Variants in RGS5 observed in about 807,000 individuals in gnomAD.
RGS5 encodes the protein regulator of G protein signaling 5.
A neutral mutation model predicts 18.9 loss-of-function variants in RGS5; 20 were observed. The ratio of observed to expected loss-of-function variants is 1.06; its 90% CI spans 0.74 to 1.54. RGS5 has a LOEUF of 1.54. Among genes scored for constraint, RGS5 ranks in the 40% most tolerant of loss-of-function variants. The pLI is 0.00. For synonymous variants in RGS5, 57 were observed against 76.2 expected (o/e 0.75, Z 1.31); for missense variants, 201 against 211.8 (o/e 0.95, Z 0.32).
chr1:163,316,513 G>A (rs551418091), intron 1 of RGS5, among the ~76,000 whole-genome samples: 48 of 151,936 alleles, frequency 3.2e-4, no homozygotes, highest in African/African-American at 1.2e-3. Flanking sequence ...TGTGGTGCTT[G>A]AGCACAGGAG....
At chr1:163,265,846 T>C (rs1384724654) in intron 2 of RGS5, among the ~76,000 whole-genome samples, 1 of 152,200 alleles carries the variant, frequency 6.6e-6, no homozygotes, top group African/African-American at 2.4e-5. Context: ...TGGCTTCTCA[T>C]CTTCTTGCCT....
At chr1:163,238,735 A>C (rs1163977568) in intron 2 of RGS5, 3 of 247,760 alleles carry the variant, frequency 1.2e-5, no homozygotes, top group Admixed American at 8.5e-5. Context: ...GGCTCCTTAC[A>C]TAGGTTTATC....
intron 1 of RGS5, among the ~76,000 whole-genome samples, chr1:163,184,894 G>A (rs1451687938): frequency 1.3e-5 from 2 of 152,182 alleles, no homozygotes; most frequent in Admixed American, 1.3e-4. Context: ...GTTGCTTTAA[G>A]TGACTAAGCT....
At chr1:163,318,429 T>C (rs1013023578) in intron 1 of RGS5, among the ~76,000 whole-genome samples, 47 of 152,014 alleles carry the variant, frequency 3.1e-4, no homozygotes, top group African/African-American at 1.1e-3. Flanking sequence ...GTAGTAGTTA[T>C]GGCTGAAAGC....
intron 4 of RGS5, 66 bp from the exon 5 acceptor site, chr1:163,147,569 G>A: frequency 7.4e-7 from 1 of 1,348,366 alleles, no homozygotes; most frequent in South Asian, 1.9e-5. Flanking sequence ...GGGTGAAGAG[G>A]GAGGTGGAAT....
chr1:163,233,401 A>G (rs966094874), intron 2 of RGS5, among the ~76,000 whole-genome samples: 1 of 152,218 alleles, frequency 6.6e-6, no homozygotes, highest in African/African-American at 2.4e-5. Context: ...ACTTTCCCCA[A>G]ATAGCTTTCC....
chr1:163,208,378 G>GA lies in RGS5; in HGVS notation c.69+9147dup, dbSNP rs1242823343. ...AAAAAAAAAAAAAAAAAAAGGAAAA[G>GA]AAAAAAAAGAAAAGAAAGTTAGCCA... On this transcript the variant is annotated intron_variant, in intron 1 of 5. Coordinates refer to the RGS5 transcript ENST00000367903. 1.5e-4 allele frequency among the ~76,000 whole-genome samples: 18 copies of GA among 119,278 alleles called. No individual in the cohort carries two copies. In the South Asian group the frequency reaches 4.8e-3, roughly 32 times the overall value. 78.3% of individuals were successfully genotyped at this position (119,278 alleles called of 152,430 possible).
At chr1:163,161,701 C>A (rs1657803608) in intron 3 of RGS5, 2 of 486,072 alleles carry the variant, frequency 4.1e-6, no homozygotes, top group Non-Finnish European at 3.8e-6. Context: ...CTTCAGAACA[C>A]CTTATGTTCA....
In RGS5 at chr1:163,202,916, T is replaced by C. The variant is rs1659836617; in HGVS notation, c.-81A>G. 1.5e-6 allele frequency: 2 copies of C among 1,350,922 alleles called. No homozygotes were observed. The highest frequency in any genetic ancestry group is 2.1e-6 in the Non-Finnish European group (2 of 948,994). 83.7% of individuals were successfully genotyped at this position (1,350,922 alleles called of 1,614,324 possible). A position where few individuals can be genotyped will look rare whatever the true frequency, so the allele number is the denominator to read the frequency against. ...AGTCTTTGAAAACTTCAAAACTGTCTGGGATGCCTTTCCTCCTGAGGTATA... is the reference window on the plus strand; with the variant it reads ...AGTCTTTGAAAACTTCAAAACTGTCCGGGATGCCTTTCCTCCTGAGGTATA... On this transcript the variant is annotated 5_prime_UTR_variant, in exon 1 of 5. Coordinates refer to ENST00000313961, the MANE Select transcript of RGS5 (RefSeq NM_003617.4).
intron 2 of RGS5, among the ~76,000 whole-genome samples, chr1:163,297,788 C>G (rs1029520933): frequency 6.6e-6 from 1 of 151,944 alleles, no homozygotes; most frequent in African/African-American, 2.4e-5. Flanking sequence ...TCTACAAGAA[C>G]AAGAAACAAA....
chr1:163,258,191 AT>A (rs1276305996), intron 2 of RGS5, among the ~76,000 whole-genome samples: 3 of 152,214 alleles, frequency 2.0e-5, no homozygotes, highest in Non-Finnish European at 2.9e-5. Flanking sequence ...ATGGTTTTGA[AT>A]GTTATTAGTG....
At chr1:163,317,811 C>T (rs1266936779) in intron 1 of RGS5, among the ~76,000 whole-genome samples, 1 of 151,198 alleles carries the variant, frequency 6.6e-6, no homozygotes, top group Non-Finnish European at 1.5e-5. Context: ...CAATTCCTAG[C>T]TATTATCAAG....
chr1:163,196,581 A>G (rs1659571950), intron 1 of RGS5, among the ~76,000 whole-genome samples: 1 of 152,182 alleles, frequency 6.6e-6, no homozygotes, highest in African/African-American at 2.4e-5. Flanking sequence ...TACAGAATGC[A>G]ATTCACTAAA....
intron 3 of RGS5, among the ~76,000 whole-genome samples, chr1:163,157,674 G>T (rs953081068): frequency 1.3e-5 from 2 of 151,642 alleles, no homozygotes; most frequent in Admixed American, 1.3e-4. Flanking sequence ...TACTCCTCAA[G>T]GTTAAATGGT....
intron 1 of RGS5, among the ~76,000 whole-genome samples, chr1:163,310,087 G>A (rs1261513098): frequency 6.6e-6 from 1 of 152,168 alleles, no homozygotes; most frequent in East Asian, 1.9e-4. Flanking sequence ...TTAAATAGAT[G>A]TGCTGTCATC....
chr1:163,280,179 TA>T (rs1193389154), intron 2 of RGS5, among the ~76,000 whole-genome samples: 1 of 140,936 alleles, frequency 7.1e-6, no homozygotes, highest in Non-Finnish European at 1.5e-5. Context: ...ATTATCCTAA[TA>T]CCAAAACCAG....
At chr1:163,222,042 A>G (rs1010223843), upstream of RGS5, among the ~76,000 whole-genome samples, 1 of 152,122 alleles carries the variant, frequency 6.6e-6, no homozygotes, top group Non-Finnish European at 1.5e-5. Flanking sequence ...CCAGTTGCCA[A>G]TACAGCTTTT....
intron 4 of RGS5, among the ~76,000 whole-genome samples, chr1:163,152,068 A>G (rs1657395766): frequency 6.6e-6 from 1 of 152,166 alleles, no homozygotes; most frequent in Non-Finnish European, 1.5e-5. Flanking sequence ...ACCTATCACA[A>G]GAGGTCAGTG....
chr1:163,263,272 T>C (rs1301926799), intron 2 of RGS5, among the ~76,000 whole-genome samples: 1 of 152,214 alleles, frequency 6.6e-6, no homozygotes, highest in Non-Finnish European at 1.5e-5. Context: ...AGAGGACCCT[T>C]TCCTGAGTCT....
Sources: allele counts gnomAD v4.1 joint callset (sites outside exome capture counted in the v4.1 genomes callset), GRCh38; gene constraint gnomAD v4.1.1; transcripts MANE v1.5; gene names NCBI Gene and HGNC (gene_info 2026-07-23, HGNC 2026-07-21).